Variants in RANBP2 observed in about 807,000 individuals in gnomAD.
RANBP2 encodes the protein RAN binding protein 2, also known as E3 SUMO-protein ligase RanBP2.
In RANBP2, 57 loss-of-function variants were observed where a neutral mutation model predicts 303.6. The observed-to-expected ratio is 0.19, with a 90% CI of 0.15 to 0.23. The LOEUF (loss-of-function observed/expected upper bound fraction) is 0.23. Among genes scored for constraint, RANBP2 ranks in the 10% least tolerant of loss-of-function variants. The pLI is 1.00. For missense variants in RANBP2, 3,138 were observed against 3,780.8 expected (o/e 0.83, Z 4.46); for synonymous variants, 1,167 against 1,301.5 (o/e 0.90, Z 2.23).
the RANBP2 span, among the ~76,000 whole-genome samples, chr2:109,683,791 TC>T: frequency 1.3e-5 from 2 of 152,018 alleles, no homozygotes; most frequent in Admixed American, 6.6e-5. Flanking sequence ...TGCTTGGGGG[TC>T]CCTTTTTGAC....
the RANBP2 span, among the ~76,000 whole-genome samples, chr2:108,937,531 GTGTA>G: frequency 3.1e-4 from 47 of 152,000 alleles, no homozygotes; most frequent in South Asian, 8.3e-4. Context: ...GTGTAGGTGA[GTGTA>G]TGTGTGTGAG....
At chr2:109,358,803 C>A in the RANBP2 span, among the ~76,000 whole-genome samples, 2 of 152,200 alleles carry the variant, frequency 1.3e-5, no homozygotes. Context: ...TCTAACTTAT[C>A]AATTCTTTCT....
At chr2:109,614,764 G>C in the RANBP2 span, 1 of 1,479,700 alleles carries the variant, frequency 6.8e-7, no homozygotes, top group Non-Finnish European at 8.9e-7. Context: ...GAGCCCTCCG[G>C]GGACCCGCCG....
chr2:109,350,792 T>C, the RANBP2 span, among the ~76,000 whole-genome samples: 7 of 152,238 alleles, frequency 4.6e-5, no homozygotes, highest in African/African-American at 1.4e-4. Context: ...GCAGCGTAGG[T>C]GCTGGTTCAT....
the RANBP2 span, among the ~76,000 whole-genome samples, chr2:109,267,956 C>T: frequency 1.3e-5 from 2 of 151,900 alleles, no homozygotes; most frequent in African/African-American, 4.8e-5. Flanking sequence ...GACAGAGCAC[C>T]CCAGCTCTCA....
At chr2:109,389,420 G>T in the RANBP2 span, among the ~76,000 whole-genome samples, 3 of 152,216 alleles carry the variant, frequency 2.0e-5, no homozygotes. Flanking sequence ...CATCTTGACC[G>T]AGGGCATACC....
At chr2:109,361,358 C>A in the RANBP2 span, among the ~76,000 whole-genome samples, 3 of 152,076 alleles carry the variant, frequency 2.0e-5, no homozygotes, top group African/African-American at 7.2e-5. Context: ...ATTCTTTCTG[C>A]GAAGTATTGA....
chr2:109,561,619 C>A, the RANBP2 span, among the ~76,000 whole-genome samples: 1 of 152,144 alleles, frequency 6.6e-6, no homozygotes, highest in African/African-American at 2.4e-5. Flanking sequence ...CCTACTCAAA[C>A]TCTTCACCTG....
chr2:109,542,082 A>G, the RANBP2 span, among the ~76,000 whole-genome samples: 1 of 152,360 alleles, frequency 6.6e-6, no homozygotes, highest in South Asian at 2.1e-4. Context: ...CAACTGTTTC[A>G]TAAGCTTAAT....
the RANBP2 span, among the ~76,000 whole-genome samples, chr2:109,093,241 T>C: frequency 6.6e-6 from 1 of 152,044 alleles, no homozygotes; most frequent in Non-Finnish European, 1.5e-5. Flanking sequence ...TTCACAATGG[T>C]GGCCCAGGTT....
the RANBP2 span, among the ~76,000 whole-genome samples, chr2:109,084,835 T>C: frequency 6.6e-6 from 1 of 152,172 alleles, no homozygotes; most frequent in African/African-American, 2.4e-5. Context: ...GAGCATGAAC[T>C]TCAAATAGTG....
At chr2:109,643,812 A>G in the RANBP2 span, among the ~76,000 whole-genome samples, 1 of 150,324 alleles carries the variant, frequency 6.7e-6, no homozygotes, top group Admixed American at 6.6e-5. Context: ...ATGCTTGGGG[A>G]GACTCATTTG....
chr2:109,442,305 C>T, the RANBP2 span, among the ~76,000 whole-genome samples: 515 of 136,244 alleles, frequency 3.8e-3, 19 homozygotes, highest in East Asian at 0.066. Flanking sequence ...AGTGAGACTC[C>T]ACCTCAAAAA....
the RANBP2 span, among the ~76,000 whole-genome samples, chr2:109,306,055 G>A: frequency 2.6e-5 from 4 of 152,212 alleles, no homozygotes; most frequent in South Asian, 8.3e-4. Context: ...GCTCTTACTG[G>A]CAGCGACAGT....
At chr2:109,458,572 C>CAGAGAGAGAGAGGGAGAGAGAGAGAG in the RANBP2 span, among the ~76,000 whole-genome samples, 3 of 122,978 alleles carry the variant, frequency 2.4e-5, 1 homozygote, top group Non-Finnish European at 5.4e-5. Flanking sequence ...CAGCAGGAGA[C>CAGAGAGAGAGAGGGAGAGAGAGAGAG]AGAGAGAGAG....
chr2:109,395,053 C>G, the RANBP2 span, among the ~76,000 whole-genome samples: 1 of 152,202 alleles, frequency 6.6e-6, no homozygotes, highest in Middle Eastern at 3.2e-3. Flanking sequence ...TATGACGTGA[C>G]TAATTGGAGC....
the RANBP2 span, chr2:108,907,989 C>G: frequency 6.2e-7 from 1 of 1,611,090 alleles, no homozygotes; most frequent in Non-Finnish European, 8.5e-7. Flanking sequence ...GGCTCAGCAG[C>G]TGCTCATTCT....
At chr2:108,897,908 A>G in the RANBP2 span, among the ~76,000 whole-genome samples, 6 of 152,178 alleles carry the variant, frequency 3.9e-5, no homozygotes, top group Admixed American at 2.6e-4. Context: ...AGACAGACCA[A>G]CTAGGGACCT....
the RANBP2 span, among the ~76,000 whole-genome samples, chr2:108,835,174 CATT>C: frequency 4.5e-3 from 687 of 152,296 alleles, 4 homozygotes; most frequent in African/African-American, 0.016. Flanking sequence ...ATGATTCAAA[CATT>C]AGTTGTTGAA....
Sources: allele counts gnomAD v4.1 joint callset (sites outside exome capture counted in the v4.1 genomes callset), GRCh38; gene constraint gnomAD v4.1.1; transcripts MANE v1.5; gene names NCBI Gene and HGNC (gene_info 2026-07-23, HGNC 2026-07-21).